The following MACF1 variants were observed in gnomAD, a reference collection of about 807,000 sequenced individuals.
MACF1 encodes the protein microtubule-actin cross-linking factor 1.
In MACF1, 193 loss-of-function variants were observed where a neutral mutation model predicts 854.8. The observed-to-expected ratio is 0.23, with a 90% CI of 0.20 to 0.25. The LOEUF is 0.25. Among genes scored for constraint, MACF1 ranks in the 10% least tolerant of loss-of-function variants. MACF1 has a pLI of 1.00. For missense variants in MACF1, 7,722 were observed against 8,929.1 expected (o/e 0.86, Z 5.45); for synonymous variants, 3,185 against 3,226.7 (o/e 0.99, Z 0.44).
At chr1:39,390,066 GTTGGATC>G (rs1641970394) in intron 58 of MACF1, among the ~76,000 whole-genome samples, 1 of 152,224 alleles carries the variant, frequency 6.6e-6, no homozygotes, top group Non-Finnish European at 1.5e-5. Context: ...GAGCACATCT[GTTGGATC>G]TTGGTTCTCA....
intron 69 of MACF1, 122 bp from the exon 70 acceptor site, chr1:39,435,436 C>T (rs1031381373): frequency 1.3e-6 from 1 of 760,016 alleles, no homozygotes; most frequent in Non-Finnish European, 2.2e-6. Context: ...GATGCTGGGC[C>T]TTGCTGGTTT....
intron 2 of MACF1, among the ~76,000 whole-genome samples, chr1:39,183,338 G>A (rs961119042): frequency 1.3e-5 from 2 of 152,146 alleles, no homozygotes; most frequent in African/African-American, 4.8e-5. Context: ...TACCTAAAAA[G>A]GGTGAATTTA....
intron 58 of MACF1, among the ~76,000 whole-genome samples, chr1:39,403,803 G>C (rs1642575522): frequency 6.7e-6 from 1 of 150,282 alleles, no homozygotes; most frequent in African/African-American, 2.5e-5. Context: ...AGTTGAGTGA[G>C]CATCCCGTCC....
chr1:39,207,712 T>A (rs973156115), intron 1 of MACF1, among the ~76,000 whole-genome samples: 2 of 152,246 alleles, frequency 1.3e-5, no homozygotes, highest in African/African-American at 4.8e-5. Context: ...GAAGCTGTTA[T>A]TATTTGTTTC....
intron 2 of MACF1, among the ~76,000 whole-genome samples, chr1:39,243,922 A>C (rs1463208330): frequency 6.6e-6 from 1 of 152,010 alleles, no homozygotes; most frequent in Non-Finnish European, 1.5e-5. Context: ...AGAAGCACCC[A>C]GTAAATGTTA....
intron 21 of MACF1, chr1:39,299,241 C>T (rs1471636982): frequency 2.2e-6 from 1 of 456,086 alleles, no homozygotes; most frequent in Non-Finnish European, 4.4e-6. Context: ...CAATCATGCT[C>T]CCGGGGACAG....
intron 58 of MACF1, chr1:39,410,652 C>G (rs1191525328): frequency 1.2e-6 from 2 of 1,613,948 alleles, no homozygotes; most frequent in Non-Finnish European, 1.7e-6. Flanking sequence ...ACAATGTTAA[C>G]AGGAGATCGT....
At chr1:39,104,485 C>T (rs1439590369) in intron 2 of MACF1, among the ~76,000 whole-genome samples, 2 of 152,196 alleles carry the variant, frequency 1.3e-5, no homozygotes, top group African/African-American at 4.8e-5. Flanking sequence ...TTTCTTTGTT[C>T]CCTAACAGTC....
chr1:39,133,619 A>G (rs1256635138), intron 2 of MACF1, among the ~76,000 whole-genome samples: 1 of 151,758 alleles, frequency 6.6e-6, no homozygotes, highest in East Asian at 1.9e-4. Context: ...AAAATTGTAT[A>G]TCTTTATGGT....
chr1:39,159,264 G>T (rs762261006), intron 2 of MACF1, among the ~76,000 whole-genome samples: 20 of 152,250 alleles, frequency 1.3e-4, no homozygotes, highest in Non-Finnish European at 2.8e-4. Context: ...AGTAAGAAAT[G>T]TCCCCTGTAT....
intron 2 of MACF1, among the ~76,000 whole-genome samples, chr1:39,231,696 T>C (rs963500540): frequency 6.6e-6 from 1 of 151,962 alleles, no homozygotes; most frequent in African/African-American, 2.4e-5. Context: ...CCTGTTTCTT[T>C]TTTTTTTTAA....
At chr1:39,442,966 A>G (rs1644149820) in intron 78 of MACF1, 55 bp downstream of exon 78, 6 of 1,532,372 alleles carry the variant, frequency 3.9e-6, no homozygotes, top group Non-Finnish European at 5.4e-6. Flanking sequence ...CAGAAAGCCT[A>G]TCTAAGTCAG....
At chr1:39,292,676 C>T (rs1489127101) in intron 16 of MACF1, 90 bp from the exon 17 acceptor site, 1 of 889,704 alleles carries the variant, frequency 1.1e-6, no homozygotes, top group South Asian at 1.7e-5. Flanking sequence ...ATATCTCTAT[C>T]TAGACATAAT....
rs756402011 is a variant in MACF1 at position 39,410,636 on chromosome 1, G to T, written c.15817-11738G>T. On this transcript the variant is annotated intron_variant, in intron 58 of 100. Transcript: ENST00000564288. The stretch of plus-strand genomic sequence containing the variant: ...CCCAGAAGGCGGCCAAATGCAGAAC[G>T]CAAAGACAATGTTAACAGGAGATCG... The T allele has an allele frequency of 3.1e-6, 5 of 1,613,970 alleles. No individual in the cohort carries two copies. The South Asian group carries it at 5.5e-5, about 18-fold the overall frequency.
intron 2 of MACF1, among the ~76,000 whole-genome samples, chr1:39,164,208 T>C (rs1643862341): frequency 6.6e-6 from 1 of 152,216 alleles, no homozygotes; most frequent in African/African-American, 2.4e-5. Context: ...AATAAATTTT[T>C]CTGTGCATTT....
chr1:39,267,703 T>C (rs1208598680), intron 6 of MACF1, among the ~76,000 whole-genome samples: 1 of 152,252 alleles, frequency 6.6e-6, no homozygotes, highest in Non-Finnish European at 1.5e-5. Context: ...ATAATTACTA[T>C]TGAACATTTT....
At chr1:39,447,615 C>A in intron 81 of MACF1, 28 bp downstream of exon 81, 1 of 1,613,592 alleles carries the variant, frequency 6.2e-7, no homozygotes, top group African/African-American at 1.3e-5. Flanking sequence ...ATGCTGCATT[C>A]TTTTTGAAAG....
chr1:39,097,891 C>T (rs1445371560), intron 2 of MACF1, among the ~76,000 whole-genome samples: 1 of 152,188 alleles, frequency 6.6e-6, no homozygotes, highest in Non-Finnish European at 1.5e-5. Flanking sequence ...GTGCTCTTTC[C>T]AGGCTGCCTG....
chr1:39,442,864 C>A lies in MACF1; in HGVS notation c.19255C>A (p.Gln6419Lys). Residue 6419 changes from glutamine (Q) to lysine (K), a missense_variant, in exon 78 of 101, where the codon CAG (glutamine) becomes AAG (lysine). By Grantham distance (53) the Gln-to-Lys change is moderately conservative (BLOSUM62 1). Coordinates refer to ENST00000564288, the MANE Select transcript of MACF1 (RefSeq NM_001394062.1). ...GAACCAATGCTGGGAGTCAGTGTTA[C>A]AGAAAACAGAGGAGAGGGAGCAGCA... ...AMNQCWESVL[Q>K]KTEEREQQLQ... 1 of 1,614,016 alleles carries A rather than the reference C, an allele frequency of 6.2e-7. No individual in the cohort carries two copies. Among genetic ancestry groups the A allele is most frequent in the Non-Finnish European group, 8.5e-7 (1 of 1,179,940 alleles).
Sources: gnomAD v4.1 joint callset for allele counts (sites outside exome capture counted in the v4.1 genomes callset) on GRCh38, gnomAD v4.1.1 for gene constraint, MANE v1.5 for transcripts, NCBI Gene and HGNC (gene_info 2026-07-23, HGNC 2026-07-21) for gene names.